The following SCAPER variants were observed in gnomAD, a reference collection of about 807,000 sequenced individuals.
SCAPER encodes S phase cyclin A-associated protein in the endoplasmic reticulum.
In SCAPER, 98 loss-of-function variants were observed where a neutral mutation model predicts 182.2. The observed-to-expected ratio is 0.54, with a 90% CI of 0.46 to 0.64. The LOEUF is 0.64. Ranked by LOEUF, SCAPER falls within the 30% of genes least tolerant of loss-of-function variation. SCAPER has a pLI of 0.00. For missense variants in SCAPER, 1,432 were observed against 1,690.0 expected (o/e 0.85, Z 2.68); for synonymous variants, 605 against 564.6 (o/e 1.07, Z -1.01).
chr15:76,610,327 A>G (rs1189689632), intron 22 of SCAPER, among the ~76,000 whole-genome samples: 2 of 152,154 alleles, frequency 1.3e-5, no homozygotes, highest in Admixed American at 1.3e-4. Flanking sequence ...ACAAGTCCAC[A>G]ATCAACCCCA....
chr15:76,692,767 A>G lies in SCAPER; in HGVS notation c.2508+8991T>C, dbSNP rs566038283. Among the ~76,000 whole-genome samples the G allele has an allele frequency of 4.0e-5, 6 of 151,820 alleles. No individual in the cohort carries two copies. The East Asian group carries it at 7.7e-4, about 20-fold the overall frequency. On this transcript the variant is annotated intron_variant, in intron 20 of 31. Coordinates refer to ENST00000563290, the MANE Select transcript of SCAPER (RefSeq NM_020843.4). ...ACAGGAAATGAAAGGAAGAAAAATAACATCAAAATTCCAAGAAAGAGGTAA... is the reference window on the plus strand; with the variant it reads ...ACAGGAAATGAAAGGAAGAAAAATAGCATCAAAATTCCAAGAAAGAGGTAA...
At chr15:76,554,218 G>C (rs920160839) in intron 23 of SCAPER, among the ~76,000 whole-genome samples, 2 of 152,168 alleles carry the variant, frequency 1.3e-5, no homozygotes, top group Non-Finnish European at 2.9e-5. Context: ...AATCAGCCAA[G>C]CTGAGGAAAG....
At chr15:76,568,697 T>C (rs977013702) in intron 23 of SCAPER, among the ~76,000 whole-genome samples, 1 of 152,146 alleles carries the variant, frequency 6.6e-6, no homozygotes, top group African/African-American at 2.4e-5. Context: ...TATTTTAGAA[T>C]CTGCGCCTAC....
At chr15:76,620,054 C>T (rs1034479998) in intron 22 of SCAPER, among the ~76,000 whole-genome samples, 3 of 151,950 alleles carry the variant, frequency 2.0e-5, no homozygotes, top group South Asian at 2.1e-4. Flanking sequence ...CCAGACTGGG[C>T]GACAGAGCGA....
At chr15:76,717,419 G>T (rs766799175) in intron 17 of SCAPER, among the ~76,000 whole-genome samples, 2 of 152,068 alleles carry the variant, frequency 1.3e-5, no homozygotes, top group Admixed American at 6.6e-5. Flanking sequence ...TAAACCACAC[G>T]TATCTCTATT....
intron 2 of SCAPER, among the ~76,000 whole-genome samples, chr15:76,874,228 GA>G (rs1321626523): frequency 6.6e-6 from 1 of 151,966 alleles, no homozygotes; most frequent in South Asian, 2.1e-4. Flanking sequence ...GGGGATCAAG[GA>G]AAAAATCACA....
intron 25 of SCAPER, among the ~76,000 whole-genome samples, chr15:76,444,342 G>A (rs1310354693): frequency 2.0e-5 from 3 of 152,098 alleles, no homozygotes; most frequent in African/African-American, 7.2e-5. Flanking sequence ...TTAGGTGGCT[G>A]GTAGTACCAC....
chr15:76,442,583 T>C (rs1232392907), intron 25 of SCAPER, among the ~76,000 whole-genome samples: 1 of 152,228 alleles, frequency 6.6e-6, no homozygotes, highest in Non-Finnish European at 1.5e-5. Flanking sequence ...TAATATTTAC[T>C]GAGAGTCCAC....
intron 24 of SCAPER, chr15:76,498,656 A>C (rs1216616502): frequency 3.9e-5 from 6 of 152,208 alleles, no homozygotes; most frequent in Admixed American, 3.9e-4. Context: ...GGAATAAACA[A>C]CGTAATACGT....
intron 15 of SCAPER, among the ~76,000 whole-genome samples, chr15:76,745,990 G>C (rs981327576): frequency 6.6e-6 from 1 of 152,092 alleles, no homozygotes; most frequent in Non-Finnish European, 1.5e-5. Flanking sequence ...ATAAGTAACA[G>C]GATGAGATTT....
At chr15:76,516,366 A>ACCCCCCCCCCCCCCCCCCC (rs1354843340) in intron 23 of SCAPER, among the ~76,000 whole-genome samples, 1 of 97,770 alleles carries the variant, frequency 1.0e-5, no homozygotes, top group Non-Finnish European at 2.1e-5. Context: ...CCCTAGCACC[A>ACCCCCCCCCCCCCCCCCCC]CCCCCCACCC....
rs11633869 is a variant in SCAPER at position 76,840,981 on chromosome 15, A to G, written c.393+753T>C. Among the ~76,000 whole-genome samples the G allele has an allele frequency of 5.3e-4, 80 of 152,170 alleles. No individual in the cohort carries two copies. In the Middle Eastern group the frequency reaches 0.014, roughly 26 times the overall value. ...CTGACCAAAGTGAATTAGAAGAGTG[A>G]TAAGTATCTCAATGGAAAGGGAGTA... is the stretch of plus-strand genomic sequence containing the variant. On this transcript the variant is annotated intron_variant, in intron 5 of 31. Coordinates refer to ENST00000563290, the MANE Select transcript of SCAPER (RefSeq NM_020843.4).
At chr15:76,567,534 C>A in intron 23 of SCAPER, 1 of 205,630 alleles carries the variant, frequency 4.9e-6, no homozygotes, top group South Asian at 6.7e-5. Flanking sequence ...AGTTCTTTGC[C>A]AATACTTGGT....
At chr15:76,525,651 A>G (rs2043142175) in intron 23 of SCAPER, among the ~76,000 whole-genome samples, 1 of 152,166 alleles carries the variant, frequency 6.6e-6, no homozygotes, top group Admixed American at 6.5e-5. Context: ...TAGTTTGCTC[A>G]GGATTATGGC....
At chr15:76,751,816 T>C (rs1251117223) in intron 15 of SCAPER, among the ~76,000 whole-genome samples, 1 of 151,692 alleles carries the variant, frequency 6.6e-6, no homozygotes, top group Non-Finnish European at 1.5e-5. Flanking sequence ...ACACTAGATT[T>C]TGCAATGATT....
intron 29 of SCAPER, among the ~76,000 whole-genome samples, chr15:76,373,294 C>T (rs1231728679): frequency 6.6e-6 from 1 of 152,100 alleles, no homozygotes; most frequent in Non-Finnish European, 1.5e-5. Flanking sequence ...GTGATCCACT[C>T]GTCTCGGCCT....
chr15:76,425,217 A>C (rs1403441089), intron 26 of SCAPER, among the ~76,000 whole-genome samples: 1 of 152,186 alleles, frequency 6.6e-6, no homozygotes, highest in Non-Finnish European at 1.5e-5. Flanking sequence ...GTGTTTTCCA[A>C]CTTGGTTCCA....
At chr15:76,739,820 G>A (rs775350334) in intron 15 of SCAPER, among the ~76,000 whole-genome samples, 2 of 152,146 alleles carry the variant, frequency 1.3e-5, no homozygotes, top group Non-Finnish European at 2.9e-5. Context: ...CACTATCACA[G>A]AATTACTTAA....
chr15:76,755,079 T>C (rs1016624127), intron 14 of SCAPER, among the ~76,000 whole-genome samples: 1 of 152,202 alleles, frequency 6.6e-6, no homozygotes, highest in Admixed American at 6.5e-5. Flanking sequence ...CACTAATCTA[T>C]GATTTTCTTG....
Sources: allele counts gnomAD v4.1 joint callset (sites outside exome capture counted in the v4.1 genomes callset), GRCh38; gene constraint gnomAD v4.1.1; transcripts MANE v1.5; gene names NCBI Gene and HGNC (gene_info 2026-07-23, HGNC 2026-07-21).